GALNTL6: variants seen among roughly 807,000 people sequenced by gnomAD.
GALNTL6 encodes polypeptide N-acetylgalactosaminyltransferase like 6.
A neutral mutation model predicts 73.7 loss-of-function variants in GALNTL6; 46 were observed. The observed-to-expected ratio is 0.62, with a 90% CI of 0.49 to 0.80. The LOEUF (loss-of-function observed/expected upper bound fraction) is 0.80, where lower values mean the gene tolerates loss of function less well. GALNTL6 is among the 30% of genes least tolerant of loss of function. GALNTL6 has a pLI of 0.00. For missense variants in GALNTL6, 604 were observed against 755.0 expected (o/e 0.80, Z 2.34); for synonymous variants, 259 against 263.7 (o/e 0.98, Z 0.17).
intron 5 of GALNTL6, among the ~76,000 whole-genome samples, chr4:172,410,328 A>T (rs528491700): frequency 6.6e-6 from 1 of 152,170 alleles, no homozygotes; most frequent in African/African-American, 2.4e-5. Flanking sequence ...ATTGTTGTGC[A>T]ACCAATCTCC....
rs1390397935 is a variant in GALNTL6 at position 172,225,702 on chromosome 4, G to A, written c.139-3954G>A. ...GCCCAGGAGGCAGAGGTTGCAGTGA[G>A]CCAAGATTGCCCCACTGCACTTCAG... On this transcript the variant is annotated intron_variant, in intron 2 of 12. Coordinates refer to ENST00000506823, the MANE Select transcript of GALNTL6 (RefSeq NM_001034845.3). 2.0e-5 allele frequency among the ~76,000 whole-genome samples: 3 copies of A among 152,052 alleles called. No individual in the cohort carries two copies. The East Asian group carries it at 5.8e-4, about 29-fold the overall frequency.
In GALNTL6 at chr4:172,157,379, A is replaced by G. The variant is rs141258801; in HGVS notation, c.139-72277A>G. Among the ~76,000 whole-genome samples, 931 of 152,252 alleles carry G rather than the reference A, an allele frequency of 6.1e-3. 4 individuals are homozygous for G. The highest frequency in any genetic ancestry group is 0.012 in the Admixed American group (183 of 15,286). The stretch of plus-strand genomic sequence containing the variant: ...CAAACTGTGAGTCCTACCTCTTTCT[A>G]ATTATTTTCTCCACACTTTTTCTTT... On this transcript the variant is annotated intron_variant, in intron 2 of 12. Transcript: ENST00000506823.
At chr4:172,611,120 C>T (rs181400203) in intron 5 of GALNTL6, among the ~76,000 whole-genome samples, 55 of 152,024 alleles carry the variant, frequency 3.6e-4, no homozygotes, top group Non-Finnish European at 5.6e-4. Context: ...CATTGCATCT[C>T]GTTTTTTTAT....
chr4:172,234,377 C>T (rs1737171160), intron 3 of GALNTL6, among the ~76,000 whole-genome samples: 1 of 151,970 alleles, frequency 6.6e-6, no homozygotes, highest in African/African-American at 2.4e-5. Context: ...ATTTTATCTG[C>T]CTGTCTATTG....
intron 2 of GALNTL6, among the ~76,000 whole-genome samples, chr4:172,173,694 A>G (rs755395636): frequency 1.3e-5 from 2 of 152,236 alleles, no homozygotes; most frequent in Non-Finnish European, 2.9e-5. Flanking sequence ...CTGGGTGATT[A>G]TTGGAAGAAG....
intron 3 of GALNTL6, among the ~76,000 whole-genome samples, chr4:172,270,527 T>C (rs1738604900): frequency 6.6e-6 from 1 of 152,172 alleles, no homozygotes; most frequent in Admixed American, 6.5e-5. Context: ...TACCATACAG[T>C]GCATGCAGGC....
At chr4:172,467,862 CTT>C (rs1579099705) in intron 5 of GALNTL6, among the ~76,000 whole-genome samples, 1 of 128,718 alleles carries the variant, frequency 7.8e-6, no homozygotes, top group South Asian at 2.5e-4. Flanking sequence ...TTCTTTCTTT[CTT>C]TCCTTCTTTC....
At chr4:172,210,974 T>A (rs2110925619) in intron 2 of GALNTL6, among the ~76,000 whole-genome samples, 1 of 152,342 alleles carries the variant, frequency 6.6e-6, no homozygotes, top group Middle Eastern at 3.4e-3. Context: ...TTGAATGTTG[T>A]TCAATAAGTT....
At chr4:172,453,971 G>C (rs987591174) in intron 5 of GALNTL6, among the ~76,000 whole-genome samples, 4 of 152,108 alleles carry the variant, frequency 2.6e-5, no homozygotes, top group Non-Finnish European at 4.4e-5. Flanking sequence ...ATACTATGAA[G>C]GAATTAATCT....
Position 173,005,615 on chromosome 4 carries a change from AGTTT to A in GALNTL6, c.1372-3560_1372-3557del, listed in dbSNP as rs1258413222. ...CCACTTGTTTATTTTAATGGAGTTG[AGTTT>A]GTGAGCAAAATGAGAGAATCTGAAC... On this transcript the variant is annotated intron_variant, in intron 10 of 12. Coordinates refer to ENST00000506823, the MANE Select transcript of GALNTL6 (RefSeq NM_001034845.3). 3.3e-5 allele frequency among the ~76,000 whole-genome samples: 5 copies of A among 152,178 alleles called. No homozygotes were observed. In the East Asian group the frequency reaches 9.6e-4, roughly 29 times the overall value.
intron 5 of GALNTL6, among the ~76,000 whole-genome samples, chr4:172,583,999 A>G (rs1308109237): frequency 6.6e-6 from 1 of 151,972 alleles, no homozygotes; most frequent in African/African-American, 2.4e-5. Flanking sequence ...TCACTCAACC[A>G]TTCATGTATT....
chr4:172,801,210 G>A (rs547898335), intron 5 of GALNTL6, among the ~76,000 whole-genome samples: 48 of 152,282 alleles, frequency 3.2e-4, no homozygotes, highest in Admixed American at 8.5e-4. Flanking sequence ...TTAATTAGCT[G>A]AAGTAAAAGC....
At chr4:172,253,625 T>A (rs1737956643) in intron 3 of GALNTL6, among the ~76,000 whole-genome samples, 1 of 151,916 alleles carries the variant, frequency 6.6e-6, no homozygotes. Context: ...AAGTGAGACA[T>A]CTCATGTCAT....
chr4:171,980,239 G>A (rs1739857485), intron 2 of GALNTL6, among the ~76,000 whole-genome samples: 1 of 152,118 alleles, frequency 6.6e-6, no homozygotes, highest in African/African-American at 2.4e-5. Flanking sequence ...AACAGGGGTG[G>A]AAAAATCCCT....
chr4:172,855,392 C>G (rs546936758), intron 7 of GALNTL6, among the ~76,000 whole-genome samples: 37 of 152,130 alleles, frequency 2.4e-4, no homozygotes, highest in African/African-American at 8.7e-4. Flanking sequence ...GTATTTTGCT[C>G]ATGATGAAAC....
intron 2 of GALNTL6, among the ~76,000 whole-genome samples, chr4:171,925,166 G>A (rs1167174723): frequency 6.6e-6 from 1 of 152,240 alleles, no homozygotes; most frequent in East Asian, 1.9e-4. Flanking sequence ...GGGTGAGCAG[G>A]GGCTCAGGCA....
chr4:172,891,688 G>A (rs1746038094), intron 8 of GALNTL6, among the ~76,000 whole-genome samples: 1 of 152,042 alleles, frequency 6.6e-6, no homozygotes, highest in African/African-American at 2.4e-5. Flanking sequence ...AACCTCTCTA[G>A]CAAGACTGGA....
chr4:172,964,480 A>T (rs926213525), intron 10 of GALNTL6, among the ~76,000 whole-genome samples: 4 of 152,186 alleles, frequency 2.6e-5, no homozygotes, highest in African/African-American at 9.7e-5. Flanking sequence ...CAAACTTTTT[A>T]AAAAATCTTT....
At chr4:172,291,590 T>G (rs140885642) in intron 3 of GALNTL6, among the ~76,000 whole-genome samples, 67 of 152,214 alleles carry the variant, frequency 4.4e-4, no homozygotes, top group African/African-American at 1.5e-3. Flanking sequence ...TCAATAGGAA[T>G]TTTATGCCTA....
Sources: gnomAD v4.1 joint callset for allele counts (sites outside exome capture counted in the v4.1 genomes callset) on GRCh38, gnomAD v4.1.1 for gene constraint, MANE v1.5 for transcripts, NCBI Gene and HGNC (gene_info 2026-07-23, HGNC 2026-07-21) for gene names.